Variants in CDH18 observed in about 807,000 individuals in gnomAD.
CDH18 encodes cadherin-18.
Under a neutral mutation model 67.9 loss-of-function variants are expected in CDH18, and 31 were observed. The ratio of observed to expected loss-of-function variants is 0.46; its 90% confidence interval spans 0.34 to 0.62. The LOEUF is 0.62. Ranked by LOEUF, CDH18 falls within the 20% of genes least tolerant of loss-of-function variation. CDH18 has a pLI of 0.01. For missense variants in CDH18, 890 were observed against 975.5 expected (o/e 0.91, Z 1.17); for synonymous variants, 362 against 347.2 (o/e 1.04, Z -0.48).
chr5:20,191,263 T>C (rs946403863), intron 2 of CDH18, among the ~76,000 whole-genome samples: 56 of 152,174 alleles, frequency 3.7e-4, no homozygotes, highest in African/African-American at 1.3e-3. Context: ...CCATTGATGG[T>C]GGAAAATGCC....
intron 4 of CDH18, among the ~76,000 whole-genome samples, chr5:19,731,273 C>A (rs1419942007): frequency 6.6e-6 from 1 of 152,038 alleles, no homozygotes; most frequent in Non-Finnish European, 1.5e-5. Context: ...CATGGTGAAA[C>A]CCTGTCTCTA....
upstream of CDH18, chr5:19,991,811 G>C (rs1351047274): frequency 6.6e-6 from 1 of 150,702 alleles, no homozygotes; most frequent in African/African-American, 2.4e-5. Context: ...AGACCATCCT[G>C]GCTAACACAG....
chr5:19,493,804 T>A (rs1741860094), intron 11 of CDH18, among the ~76,000 whole-genome samples: 1 of 152,162 alleles, frequency 6.6e-6, no homozygotes, highest in Non-Finnish European at 1.5e-5. Context: ...TATTCTTATT[T>A]CATCTTATTG....
chr5:20,550,958 C>T (rs560581848), intron 1 of CDH18, among the ~76,000 whole-genome samples: 1 of 152,142 alleles, frequency 6.6e-6, no homozygotes, highest in East Asian at 1.9e-4. Flanking sequence ...TTGCCAATTT[C>T]CTTTTAAACA....
intron 1 of CDH18, among the ~76,000 whole-genome samples, chr5:20,410,535 C>T (rs1746678186): frequency 6.6e-6 from 1 of 151,390 alleles, no homozygotes; most frequent in Non-Finnish European, 1.5e-5. Flanking sequence ...AGCAAAAAGG[C>T]CAAGAGTAAC....
chr5:20,042,675 T>G (rs1043186675), intron 2 of CDH18, among the ~76,000 whole-genome samples: 2 of 152,130 alleles, frequency 1.3e-5, no homozygotes, highest in Non-Finnish European at 2.9e-5. Flanking sequence ...TTTTAAAACA[T>G]TTTATGGGCC....
chr5:19,864,410 G>T, intron 2 of CDH18, among the ~76,000 whole-genome samples: 1 of 149,756 alleles, frequency 6.7e-6, no homozygotes, highest in East Asian at 2.0e-4. Flanking sequence ...GATAGCATTA[G>T]GAGATACACC....
rs545910110 is a variant in CDH18 at position 20,032,397 on chromosome 5, A to G, written c.-517-40383T>C. ...ACAGAGATAGTAGAGATAAAACTGA[A>G]CTTTAAAGAAAAAATAGAACATTCT... On this transcript the variant is annotated intron_variant, in intron 2 of 14. Transcript: ENST00000507958. Among the ~76,000 whole-genome samples, 3 of 152,110 alleles carry G rather than the reference A, an allele frequency of 2.0e-5. No individual in the cohort carries two copies. In the East Asian group the frequency reaches 5.8e-4, roughly 29 times the overall value.
At chr5:19,625,534 C>T (rs1038346408) in intron 5 of CDH18, among the ~76,000 whole-genome samples, 10 of 152,122 alleles carry the variant, frequency 6.6e-5, no homozygotes, top group African/African-American at 1.4e-4. Context: ...GGCAGGGTTG[C>T]TTTCTTCTTG....
At chr5:20,330,883 TC>T (rs1739109759) in intron 1 of CDH18, among the ~76,000 whole-genome samples, 1 of 152,148 alleles carries the variant, frequency 6.6e-6, no homozygotes, top group Non-Finnish European at 1.5e-5. Context: ...TAATAAACTT[TC>T]ACTCGTGCTT....
At chr5:19,525,981 A>C (rs1747695590) in intron 9 of CDH18, among the ~76,000 whole-genome samples, 1 of 152,148 alleles carries the variant, frequency 6.6e-6, no homozygotes. Flanking sequence ...TTTTGACAGC[A>C]GAGTAAATAA....
intron 2 of CDH18, among the ~76,000 whole-genome samples, chr5:20,106,756 C>T (rs1746974842): frequency 6.6e-6 from 1 of 152,104 alleles, no homozygotes; most frequent in Non-Finnish European, 1.5e-5. Flanking sequence ...CAACCTGAGA[C>T]TATATGGGAA....
At chr5:20,434,885 A>G (rs1191379657) in intron 1 of CDH18, among the ~76,000 whole-genome samples, 2 of 152,064 alleles carry the variant, frequency 1.3e-5, no homozygotes, top group Non-Finnish European at 2.9e-5. Context: ...ACTGACAACT[A>G]CAAGTATGTG....
At chr5:19,809,944 A>G (rs569119112) in intron 3 of CDH18, among the ~76,000 whole-genome samples, 7 of 152,298 alleles carry the variant, frequency 4.6e-5, no homozygotes, top group African/African-American at 1.7e-4. Flanking sequence ...GAAATATGAG[A>G]ATGGGAACAT....
chr5:20,105,631 T>G (rs1323627065), intron 2 of CDH18, among the ~76,000 whole-genome samples: 1 of 152,222 alleles, frequency 6.6e-6, no homozygotes. Flanking sequence ...ATGAATTTGC[T>G]TATTTTAGAT....
intron 2 of CDH18, among the ~76,000 whole-genome samples, chr5:19,903,920 T>A (rs1790234962): frequency 1.3e-5 from 2 of 152,018 alleles, no homozygotes; most frequent in Admixed American, 6.6e-5. Flanking sequence ...GATAATTTAA[T>A]GCTTCCATTT....
chr5:19,928,518 A>G (rs1430567051), intron 2 of CDH18, among the ~76,000 whole-genome samples: 2 of 152,182 alleles, frequency 1.3e-5, no homozygotes, highest in Non-Finnish European at 1.5e-5. Context: ...AAGTTCTATC[A>G]GTACATGGAA....
chr5:20,182,876 A>G (rs558343797), intron 2 of CDH18, among the ~76,000 whole-genome samples: 21 of 152,040 alleles, frequency 1.4e-4, no homozygotes, highest in Non-Finnish European at 2.4e-4. Context: ...GTATTTTGTT[A>G]TAGTAGCAAA....
At chr5:19,565,703 C>T (rs1403124135) in intron 8 of CDH18, among the ~76,000 whole-genome samples, 1 of 152,302 alleles carries the variant, frequency 6.6e-6, no homozygotes, top group South Asian at 2.1e-4. Flanking sequence ...CCATCTCTAG[C>T]TATATGCAAA....
Sources: gnomAD v4.1 joint callset for allele counts (sites outside exome capture counted in the v4.1 genomes callset) on GRCh38, gnomAD v4.1.1 for gene constraint, MANE v1.5 for transcripts, NCBI Gene and HGNC (gene_info 2026-07-23, HGNC 2026-07-21) for gene names.